RANBP17: variants seen among roughly 807,000 people sequenced by gnomAD.
RANBP17 encodes the protein RAN binding protein 17, also known as ran-binding protein 17.
Under a neutral mutation model 141.2 loss-of-function variants are expected in RANBP17, and 158 were observed. The observed-to-expected ratio is 1.12, with a 90% CI of 0.98 to 1.28. The LOEUF (loss-of-function observed/expected upper bound fraction) is 1.28, where lower values mean the gene tolerates loss of function less well. Among genes scored for constraint, RANBP17 ranks in the 50% most tolerant of loss-of-function variants. The pLI, the probability that RANBP17 is intolerant of heterozygous loss-of-function variation, is 0.00. For synonymous variants in RANBP17, 430 were observed against 450.0 expected, an observed-to-expected ratio of 0.96 and a Z score of 0.56; for missense variants, 1,438 against 1,290.7, an observed-to-expected ratio of 1.11 and a Z score of -1.75.
At chr5:171,258,907 CAAAA>C (rs938428871) in intron 24 of RANBP17, among the ~76,000 whole-genome samples, 15 of 151,974 alleles carry the variant, frequency 9.9e-5, no homozygotes, top group Non-Finnish European at 7.4e-5. Context: ...AACTGAATCA[CAAAA>C]GAAATAACCA....
intron 14 of RANBP17, among the ~76,000 whole-genome samples, chr5:170,993,427 A>G (rs570785498): frequency 6.6e-6 from 1 of 152,168 alleles, no homozygotes; most frequent in South Asian, 2.1e-4. Flanking sequence ...TTTTAAAGAA[A>G]AGTACTTGAG....
chr5:171,127,490 T>A (rs1208169798), intron 14 of RANBP17, among the ~76,000 whole-genome samples: 3 of 151,986 alleles, frequency 2.0e-5, no homozygotes, highest in Admixed American at 6.5e-5. Flanking sequence ...ATATCCAGAA[T>A]ATGCAAGGAA....
chr5:171,047,356 G>T (rs2591504), intron 14 of RANBP17, among the ~76,000 whole-genome samples: 91,686 of 149,216 alleles, frequency 0.61, 29,334 homozygotes, highest in South Asian at 0.88. Flanking sequence ...ATGTTGAACG[G>T]TTTTTTTTTC....
intron 14 of RANBP17, among the ~76,000 whole-genome samples, chr5:171,073,701 A>C (rs1784754592): frequency 6.6e-6 from 1 of 152,150 alleles, no homozygotes; most frequent in Non-Finnish European, 1.5e-5. Flanking sequence ...CGTCTACCCT[A>C]ATCTTGGTTT....
chr5:170,986,381 G>A lies in RANBP17; in HGVS notation c.1710+18004G>A, dbSNP rs1482092316. 2.0e-5 allele frequency among the ~76,000 whole-genome samples: 3 copies of A among 151,850 alleles called. No homozygotes were observed. In the East Asian group the frequency reaches 5.8e-4, roughly 29 times the overall value. The stretch of plus-strand genomic sequence containing the variant: ...TGAAATTTGCATTAAGCCGATAAGT[G>A]CTCCAGTAGTGTAACTATAGTGAAC... On this transcript the variant is annotated intron_variant, in intron 14 of 27. Transcript: ENST00000523189.
At chr5:170,936,460 TTTAA>T (rs1213523143) in intron 12 of RANBP17, among the ~76,000 whole-genome samples, 6 of 152,188 alleles carry the variant, frequency 3.9e-5, no homozygotes, top group Non-Finnish European at 7.3e-5. Context: ...TAATTTCTAA[TTTAA>T]TTATTATTTC....
intron 16 of RANBP17, among the ~76,000 whole-genome samples, chr5:171,181,275 C>T (rs1760841603): frequency 6.6e-6 from 1 of 151,986 alleles, no homozygotes. Flanking sequence ...GTAGTGAAAC[C>T]CCATCCCTAC....
intron 14 of RANBP17, among the ~76,000 whole-genome samples, chr5:171,116,820 C>T (rs1755663210): frequency 6.6e-6 from 1 of 152,132 alleles, no homozygotes; most frequent in South Asian, 2.1e-4. Context: ...CCTATTCTCC[C>T]TAGCCTTTCC....
rs377507932 is a variant in RANBP17, at chr5:171,198,043, C to A, written c.2039-1627C>A. 1.6e-3 allele frequency among the ~76,000 whole-genome samples: 250 copies of A among 152,276 alleles called. 9 individuals are homozygous for A. The South Asian group carries it at 0.039, about 24-fold the overall frequency. The stretch of plus-strand genomic sequence containing the variant: ...GACAGAGCAAGACTCCGTCTCAAAA[C>A]AAGCCAGGCAAAATGCTATGGGAAT... On this transcript the variant is annotated intron_variant, in intron 18 of 27. Transcript: ENST00000523189.
At chr5:171,103,202 C>G (rs1787296570) in intron 14 of RANBP17, among the ~76,000 whole-genome samples, 1 of 152,176 alleles carries the variant, frequency 6.6e-6, no homozygotes, top group Non-Finnish European at 1.5e-5. Context: ...GCACCCACAG[C>G]CACCCCTTCC....
intron 20 of RANBP17, chr5:171,206,832 A>G: frequency 1.1e-5 from 2 of 180,686 alleles, no homozygotes; most frequent in East Asian, 1.8e-4. Context: ...GTACCCAGAG[A>G]AGGGTTACAG....
At chr5:171,141,621 C>CAAAAAAAA (rs10691735) in intron 14 of RANBP17, among the ~76,000 whole-genome samples, 4 of 55,280 alleles carry the variant, frequency 7.2e-5, no homozygotes, top group African/African-American at 1.6e-4. Context: ...GACTCCATCT[C>CAAAAAAAA]AAAAAAAAAA....
chr5:171,062,678 C>G (rs1280960070), intron 14 of RANBP17, among the ~76,000 whole-genome samples: 1 of 152,122 alleles, frequency 6.6e-6, no homozygotes, highest in African/African-American at 2.4e-5. Context: ...GTAGCGTTCT[C>G]TGTATTTCCT....
chr5:171,091,385 C>G (rs1375491188), intron 14 of RANBP17, among the ~76,000 whole-genome samples: 1 of 152,216 alleles, frequency 6.6e-6, no homozygotes, highest in East Asian at 1.9e-4. Context: ...GCCTGTACCC[C>G]CATTGTGTCT....
intron 14 of RANBP17, among the ~76,000 whole-genome samples, chr5:171,047,639 C>A (rs1782682929): frequency 6.6e-6 from 1 of 151,946 alleles, no homozygotes; most frequent in African/African-American, 2.4e-5. Flanking sequence ...AGGGTTTCAC[C>A]ATGTTGGGCA....
rs1337180142 is a variant in RANBP17 at position 170,896,064 on chromosome 5, C to T, written c.438C>T (p.His146=). 1.2e-6 allele frequency: 2 copies of T among 1,606,922 alleles called. No individual in the cohort carries two copies. Among genetic ancestry groups the T allele is most frequent in the South Asian group, 2.2e-5 (2 of 89,412 alleles). ...VKKFLQGTVE[H]CIIGVIILSE... ...TTTCTCCAAAGGGTACTGTGGAACA[C>T]TGCATAATAGGAGTAATAATCCTTT... The change falls in exon 5 of 28, where the codon CAC becomes CAT. Residue 146 remains histidine (H), a synonymous_variant. Coordinates refer to ENST00000523189, the MANE Select transcript of RANBP17 (RefSeq NM_022897.5).
At chr5:171,138,348 T>A (rs1757458622) in intron 14 of RANBP17, among the ~76,000 whole-genome samples, 1 of 152,122 alleles carries the variant, frequency 6.6e-6, no homozygotes, top group South Asian at 2.1e-4. Context: ...AGCACTTGCT[T>A]ACATAAGGTT....
chr5:171,187,786 C>T (rs1221884716), intron 18 of RANBP17, among the ~76,000 whole-genome samples: 2 of 152,194 alleles, frequency 1.3e-5, no homozygotes, highest in African/African-American at 2.4e-5. Context: ...TTACTCTAGA[C>T]TCCCATTTCT....
intron 22 of RANBP17, among the ~76,000 whole-genome samples, chr5:171,231,470 A>C (rs1160297280): frequency 6.6e-6 from 1 of 152,164 alleles, no homozygotes; most frequent in Non-Finnish European, 1.5e-5. Flanking sequence ...GCCATCTTCA[A>C]TATAGTTTTC....
Sources: gnomAD v4.1 joint callset for allele counts (sites outside exome capture counted in the v4.1 genomes callset) on GRCh38, gnomAD v4.1.1 for gene constraint, MANE v1.5 for transcripts, NCBI Gene and HGNC (gene_info 2026-07-23, HGNC 2026-07-21) for gene names.